Variants in BTNL2 observed in about 807,000 individuals in gnomAD.
BTNL2 encodes the protein butyrophilin like 2.
Under a neutral mutation model 46.8 loss-of-function variants are expected in BTNL2, and 46 were observed. That is an observed-to-expected ratio of 0.98 (90% confidence interval 0.78 to 1.26). BTNL2 has a LOEUF of 1.26. Among genes scored for constraint, BTNL2 ranks in the 50% most tolerant of loss-of-function variants. BTNL2 has a pLI of 0.00. For missense variants in BTNL2, 461 were observed against 592.6 expected (o/e 0.78, Z 2.31); for synonymous variants, 226 against 229.1 (o/e 0.99, Z 0.12).
At chr6:32,398,779 C>G (rs117057492) in intron 4 of BTNL2, among the ~76,000 whole-genome samples, 1 of 152,162 alleles carries the variant, frequency 6.6e-6, no homozygotes, top group Admixed American at 6.5e-5. Flanking sequence ...TGATGCATTA[C>G]AGATACAGAC....
rs754302847 is a variant in BTNL2, at chr6:32,403,089, C to T, written c.555G>A (p.Leu185=). 6.2e-7 allele frequency: 1 copy of T among 1,612,932 alleles called. No individual in the cohort carries two copies. Among genetic ancestry groups the T allele is most frequent in the South Asian group, 1.1e-5 (1 of 91,084 alleles). Residue 185 remains leucine, a synonymous_variant, in exon 3 of 8, where the codon CTG becomes CTA. Coordinates refer to ENST00000454136, the MANE Select transcript of BTNL2 (RefSeq NM_001304561.2). The stretch of plus-strand genomic sequence containing the variant: ...GGATGCGATGCTCAGACACGGCCAG[C>T]AGCTTCTCTCCCCGGATGTCTTCCC... ...VYWEDIRGEK[L]LAVSEHRIQD...
chr6:32,398,981 A>G (rs1293295105), intron 4 of BTNL2, among the ~76,000 whole-genome samples: 1 of 152,098 alleles, frequency 6.6e-6, no homozygotes, highest in African/African-American at 2.4e-5. Flanking sequence ...GGTTTGTTAC[A>G]TAGGTAAACA....
rs1315641002 is a variant in BTNL2 at position 32,394,780 on chromosome 6, A to G, written c.1324T>C (p.Leu442=). ...DVTCSISIPF[L]GEEKIATFSL... The stretch of plus-strand genomic sequence containing the variant: ...AAAGTTGCGATTTTCTCCTCGCCCA[A>G]AAAGGGGATGCTGATGGAACAAGTG... The change falls in exon 6 of 8, where the codon TTG becomes CTG. Residue 442 remains leucine, a synonymous_variant. Coordinates refer to ENST00000454136, the MANE Select transcript of BTNL2 (RefSeq NM_001304561.2). This position sits in a 1 kb window ranked among gnomAD's most constrained non-coding sequence, Gnocchi z 4.6. 4 of 1,613,652 alleles carry G rather than the reference A, an allele frequency of 2.5e-6. No individual in the cohort carries two copies. The highest frequency in any genetic ancestry group is 1.6e-4 in the Middle Eastern group (1 of 6,062).
chr6:32,397,660 A>G (rs1221692680), intron 4 of BTNL2, among the ~76,000 whole-genome samples: 1 of 152,238 alleles, frequency 6.6e-6, no homozygotes, highest in Non-Finnish European at 1.5e-5. Flanking sequence ...CAAAATCATA[A>G]TGTTTCAGAG....
rs759516191 is a variant in BTNL2, at chr6:32,403,121, C to T, written c.523G>A (p.Val175Met). The T allele has an allele frequency of 6.2e-7, 1 of 1,612,900 alleles. No homozygotes were observed. The highest frequency in any genetic ancestry group is 8.5e-7 in the Non-Finnish European group (1 of 1,179,926). The change falls in exon 3 of 8, where the codon GTG becomes ATG. Residue 175 changes from valine to methionine, a missense_variant. Physicochemically the swap from Val to Met is conservative, Grantham distance 21. Coordinates refer to ENST00000454136, the MANE Select transcript of BTNL2 (RefSeq NM_001304561.2). ...TCTCCCCGGATGTCTTCCCAATACACCTGGGGCTCTGGGAACCAGCCCCTT... is the reference window on the plus strand; with the variant it reads ...TCTCCCCGGATGTCTTCCCAATACATCTGGGGCTCTGGGAACCAGCCCCTT... Reference protein sequence around the residue: ...TARGWFPEPQVYWEDIRGEKL... With the variant: ...TARGWFPEPQMYWEDIRGEKL...
At chr6:32,397,908 A>G (rs768059612) in intron 4 of BTNL2, among the ~76,000 whole-genome samples, 1 of 152,226 alleles carries the variant, frequency 6.6e-6, no homozygotes, top group Non-Finnish European at 1.5e-5. Context: ...TATTTCCCCA[A>G]TGCTCCACAT....
chr6:32,401,710 C>G (rs1297922404), intron 4 of BTNL2, 75 bp downstream of exon 4: 1 of 1,419,376 alleles, frequency 7.0e-7, no homozygotes, highest in Admixed American at 2.0e-5. Context: ...CACATGGTCT[C>G]GTGGTAGCTC....
At chr6:32,403,666 C>T (rs1776932285) in intron 2 of BTNL2, 4 of 162,860 alleles carry the variant, frequency 2.5e-5, no homozygotes, top group South Asian at 1.7e-4. Flanking sequence ...AATCACTCCC[C>T]AGGGGCCTGT....
intron 3 of BTNL2, 68 bp from the exon 4 acceptor site, chr6:32,401,873 A>T (rs1024933310): frequency 2.7e-5 from 39 of 1,447,164 alleles, no homozygotes; most frequent in African/African-American, 1.3e-4. Flanking sequence ...ACTATTTTTT[A>T]AAAAAGAAAG....
chr6:32,400,751 A>AC (rs1189614197), intron 4 of BTNL2, among the ~76,000 whole-genome samples: 3 of 72,278 alleles, frequency 4.2e-5, no homozygotes, highest in Non-Finnish European at 9.9e-5. Context: ...CTACTAAAAA[A>AC]AAAAAAAAAA....
intron 3 of BTNL2, among the ~76,000 whole-genome samples, chr6:32,402,158 TAC>T (rs1417704507): frequency 9.9e-5 from 15 of 152,184 alleles, no homozygotes; most frequent in African/African-American, 3.4e-4. Flanking sequence ...TCACCTAAAT[TAC>T]AAAGTAGAGA....
At chr6:32,406,024 T>G (rs3806157) in intron 1 of BTNL2, 52,482 of 152,962 alleles carry the variant, frequency 0.34, 9,084 homozygotes, top group Admixed American at 0.43. Flanking sequence ...TTAACAGTTA[T>G]GTATGTTATT....
At chr6:32,398,920 C>CTTT (rs9281773) in intron 4 of BTNL2, among the ~76,000 whole-genome samples, 5 of 151,766 alleles carry the variant, frequency 3.3e-5, no homozygotes, top group African/African-American at 9.7e-5. Context: ...GCCTAACCCA[C>CTTT]TTTTTTTTTC....
At position 32,394,966 on chromosome 6, in the gene BTNL2, T is replaced by C; in HGVS notation, c.1138A>G (p.Met380Val). 9 of 1,613,476 alleles carry C rather than the reference T, an allele frequency of 5.6e-6. No homozygotes were observed. Among genetic ancestry groups the C allele is most frequent in the Non-Finnish European group, 6.8e-6 (8 of 1,179,584 alleles). Residue 380 changes from methionine (M) to valine (V), a missense_variant, in exon 6 of 8, where the codon ATG (methionine) becomes GTG (valine). Coordinates refer to ENST00000454136, the MANE Select transcript of BTNL2 (RefSeq NM_001304561.2). The surrounding 1 kb of genome is among the most constrained non-coding windows in gnomAD (Gnocchi z 4.6). ...GGGAACCACCCATCTGAAGAGCACA[T>C]CGGCTGCATTTCTCCATCTTCTTGC... Reference protein sequence around the residue: ...EGQEDGEMQPMCSSDGWFPQP... With the variant: ...EGQEDGEMQPVCSSDGWFPQP...
Position 32,405,061 on chromosome 6 carries a change from A to G in BTNL2, c.305T>C (p.Ile102Thr). The change falls in exon 2 of 8, where the codon ATT becomes ACT. Residue 102 changes from isoleucine (I) to threonine (T), a missense_variant. By Grantham distance (89) the Ile-to-Thr change is moderately conservative. Coordinates refer to ENST00000454136, the MANE Select transcript of BTNL2 (RefSeq NM_001304561.2). ...CTTCAGTGCCACATTTCCCTTTGCA[A>G]TGCCATTCTCTATCCACTCTACCCA... ...RGWVEWIENG[I>T]AKGNVALKIH... 6.2e-7 allele frequency: 1 copy of G among 1,612,962 alleles called. No individual in the cohort carries two copies. The highest frequency in any genetic ancestry group is 8.5e-7 in the Non-Finnish European group (1 of 1,180,032).
intron 1 of BTNL2, chr6:32,405,505 T>G (rs1460906888): frequency 9.5e-6 from 6 of 634,458 alleles, no homozygotes; most frequent in Non-Finnish European, 1.7e-5. Context: ...TGGGTGAGGT[T>G]GCTGTCTGTC....
In BTNL2 at chr6:32,407,042, T is replaced by C; in HGVS notation, c.79+3A>G. The C allele has an allele frequency of 6.2e-7, 1 of 1,612,594 alleles. No homozygotes were observed. On this transcript the variant is annotated splice_donor_region_variant and intron_variant, in intron 1 of 7. Coordinates refer to ENST00000454136, the MANE Select transcript of BTNL2 (RefSeq NM_001304561.2). ...ATACAGTAAAGGGAGAAGGGAATCC[T>C]ACCTGACTGCTTCATTGTCAGCAGG...
Position 32,394,656 on chromosome 6 carries a change from CAAAG to C in BTNL2, c.1360+84_1360+87del. The stretch of plus-strand genomic sequence containing the variant: ...GTCAGAGATCAGCAAATAAAAATCA[CAAAG>C]GAAGAAGAGCAATACAATGAGTAAG... On this transcript the variant is annotated intron_variant, in intron 6 of 7. Transcript: ENST00000454136. The surrounding 1 kb of genome is among the most constrained non-coding windows in gnomAD (Gnocchi z 4.6). 2 of 1,443,650 alleles carry C rather than the reference CAAAG, an allele frequency of 1.4e-6. No individual in the cohort carries two copies. The highest frequency in any genetic ancestry group is 1.4e-5 in the South Asian group (1 of 73,720). The allele number at this position is 1,443,650 out of a possible 1,614,324, so 89.4% of individuals were successfully genotyped here.
rs1777037603 is a variant in BTNL2, at chr6:32,405,075, C to T, written c.291G>A (p.Trp97Ter). Residue 97 changes from tryptophan to a stop codon, truncating the protein, a stop_gained, in exon 2 of 8, where the codon TGG becomes TGA. Transcript: ENST00000454136. LOFTEE classifies it high-confidence loss of function. ...QMEEYRGWVEWIENGIAKGNV... is the reference protein window; with the variant it reads ...QMEEYRGWVE ...TTCCCTTTGCAATGCCATTCTCTAT[C>T]CACTCTACCCAGCCTCTGTACTCCT... 1.2e-6 allele frequency: 2 copies of T among 1,613,048 alleles called. No homozygotes were observed. Among genetic ancestry groups the T allele is most frequent in the Non-Finnish European group, 1.7e-6 (2 of 1,180,044 alleles).
Sources: allele counts gnomAD v4.1 joint callset (sites outside exome capture counted in the v4.1 genomes callset), GRCh38; gene constraint gnomAD v4.1.1; non-coding constraint Gnocchi (gnomAD v3.1); transcripts MANE v1.5; gene names NCBI Gene and HGNC (gene_info 2026-07-23, HGNC 2026-07-21).